Variants in WDFY2 observed in about 807,000 individuals in gnomAD.
WDFY2 encodes WD repeat and FYVE domain-containing protein 2.
In WDFY2, 36 loss-of-function variants were observed where a neutral mutation model predicts 56.4. The ratio of observed to expected loss-of-function variants is 0.64; its 90% CI spans 0.49 to 0.84. WDFY2 has a LOEUF of 0.84. WDFY2 is among the 40% of genes least tolerant of loss of function. The pLI is 0.00. For synonymous variants in WDFY2, 176 were observed against 183.7 expected (o/e 0.96, Z 0.34); for missense variants, 444 against 512.2 (o/e 0.87, Z 1.29).
chr13:51,724,098 G>C (rs1275934569), intron 5 of WDFY2, among the ~76,000 whole-genome samples: 1 of 151,628 alleles, frequency 6.6e-6, no homozygotes, highest in Non-Finnish European at 1.5e-5. Context: ...GAAATCTTAG[G>C]TTGGTTGGTT....
intron 1 of WDFY2, among the ~76,000 whole-genome samples, chr13:51,632,016 T>G (rs1954962572): frequency 6.6e-6 from 1 of 152,224 alleles, no homozygotes; most frequent in African/African-American, 2.4e-5. Flanking sequence ...TATTAATGTA[T>G]TTCTTCTATG....
chr13:51,653,692 G>A (rs547480166), intron 1 of WDFY2, among the ~76,000 whole-genome samples: 2 of 152,332 alleles, frequency 1.3e-5, no homozygotes, highest in South Asian at 4.1e-4. Flanking sequence ...GTTTGCCTGG[G>A]TATCAGCAGC....
At chr13:51,636,418 A>G (rs1410433591) in intron 1 of WDFY2, among the ~76,000 whole-genome samples, 1 of 152,208 alleles carries the variant, frequency 6.6e-6, no homozygotes, top group African/African-American at 2.4e-5. Context: ...CAGAGAGGCA[A>G]AGAGGGAATT....
At chr13:51,624,513 T>G (rs1042773712) in intron 1 of WDFY2, among the ~76,000 whole-genome samples, 13 of 152,222 alleles carry the variant, frequency 8.5e-5, no homozygotes, top group African/African-American at 3.1e-4. Context: ...GGCACTATTC[T>G]AGGCATGGGC....
intron 5 of WDFY2, among the ~76,000 whole-genome samples, chr13:51,721,505 C>T (rs756186018): frequency 2.6e-5 from 4 of 152,090 alleles, no homozygotes; most frequent in Admixed American, 6.6e-5. Context: ...CACCACAGCT[C>T]CTCCCTTCGA....
chr13:51,604,679 G>T (rs1954352318), intron 1 of WDFY2, among the ~76,000 whole-genome samples: 2 of 152,180 alleles, frequency 1.3e-5, no homozygotes, highest in African/African-American at 4.8e-5. Context: ...CATTTTAGGT[G>T]CTCAGAAACC....
chr13:51,586,044 A>G (rs1421497307), intron 1 of WDFY2: 8 of 398,476 alleles, frequency 2.0e-5, no homozygotes, highest in Non-Finnish European at 8.8e-6. Context: ...AAAACATTGT[A>G]AACATACACC....
In WDFY2 at chr13:51,750,577, T is replaced by C. The variant is rs116374717; in HGVS notation, c.726-733T>C. On this transcript the variant is annotated intron_variant, in intron 7 of 11. Coordinates refer to ENST00000298125, the MANE Select transcript of WDFY2 (RefSeq NM_052950.4). The stretch of plus-strand genomic sequence containing the variant: ...GACCAAGAAACTATGTACCCTATTC[T>C]CTCACCCAATAGAGAATAGATCTCT... Among the ~76,000 whole-genome samples, 1,378 of 151,394 alleles carry C rather than the reference T, an allele frequency of 9.1e-3. 18 individuals are homozygous for C. Among genetic ancestry groups the C allele is most frequent in the African/African-American group, 0.032 (1,303 of 41,288 alleles).
At chr13:51,596,665 G>A (rs1358853712) in intron 1 of WDFY2, among the ~76,000 whole-genome samples, 3 of 152,200 alleles carry the variant, frequency 2.0e-5, no homozygotes, top group Non-Finnish European at 4.4e-5. Context: ...GTTCCAGCAA[G>A]ATTGCATTGT....
intron 1 of WDFY2, among the ~76,000 whole-genome samples, chr13:51,651,320 T>TC (rs1955381630): frequency 6.6e-6 from 1 of 152,232 alleles, no homozygotes; most frequent in African/African-American, 2.4e-5. Flanking sequence ...TCTTTATTAG[T>TC]CTTGCTAGTG....
At chr13:51,594,083 T>C (rs1954100723) in intron 1 of WDFY2, 1 of 152,332 alleles carries the variant, frequency 6.6e-6, no homozygotes, top group South Asian at 2.1e-4. Flanking sequence ...ATGAGGTCAC[T>C]ATATTGGTGT....
At chr13:51,657,905 A>G (rs1393602541) in intron 1 of WDFY2, among the ~76,000 whole-genome samples, 3 of 152,124 alleles carry the variant, frequency 2.0e-5, no homozygotes, top group Admixed American at 6.5e-5. Flanking sequence ...AAGTCTTGGT[A>G]TAGTAAGCCT....
chr13:51,681,732 A>G (rs372164367), intron 3 of WDFY2, among the ~76,000 whole-genome samples: 6 of 152,186 alleles, frequency 3.9e-5, no homozygotes, highest in African/African-American at 1.2e-4. Context: ...GTGTGGAGCT[A>G]TGCTTAGCAG....
chr13:51,663,880 A>G lies in WDFY2; in HGVS notation c.205+3217A>G, dbSNP rs1351531861. Among the ~76,000 whole-genome samples the G allele has an allele frequency of 2.6e-5, 4 of 152,364 alleles. No homozygotes were observed. The South Asian group carries it at 6.2e-4, about 24-fold the overall frequency. On this transcript the variant is annotated intron_variant, in intron 2 of 11. Transcript: ENST00000298125. ...TTTTATGTTTATTCTACTACATAAT[A>G]AGTAGCATTCCAAGTACAGAAGAAA...
At chr13:51,587,517 A>G (rs1208193280) in intron 1 of WDFY2, 5 of 152,260 alleles carry the variant, frequency 3.3e-5, no homozygotes, top group Admixed American at 2.6e-4. Context: ...TTATGTGGAC[A>G]AGTATACACT....
At chr13:51,620,701 CT>C (rs1438601488) in intron 1 of WDFY2, among the ~76,000 whole-genome samples, 1 of 151,768 alleles carries the variant, frequency 6.6e-6, no homozygotes, top group Non-Finnish European at 1.5e-5. Flanking sequence ...TCTGACTTTG[CT>C]GTAGCACTGA....
At chr13:51,697,169 C>G in intron 3 of WDFY2, among the ~76,000 whole-genome samples, 1 of 152,068 alleles carries the variant, frequency 6.6e-6, no homozygotes, top group East Asian at 1.9e-4. Context: ...TAAATTGGCA[C>G]AAACTGTTTA....
intron 1 of WDFY2, among the ~76,000 whole-genome samples, chr13:51,621,952 AT>A (rs1045920082): frequency 6.6e-6 from 1 of 152,110 alleles, no homozygotes; most frequent in African/African-American, 2.4e-5. Context: ...TTTTTCTTAA[AT>A]TTTTTTAAGC....
chr13:51,751,381 T>C lies in WDFY2; in HGVS notation c.797T>C (p.Ile266Thr). Reference sequence around the variant, plus strand: ...ATCTCCTGTGGCGGTGATGGTGGGATTGTCGTCTGGAACATGGACGTGGAG... The same window carrying C: ...ATCTCCTGTGGCGGTGATGGTGGGACTGTCGTCTGGAACATGGACGTGGAG... ...QLISCGGDGG[I>T]VVWNMDVERQ... The change falls in exon 8 of 12, where the codon ATT becomes ACT. Residue 266 changes from isoleucine (I) to threonine (T), a missense_variant. Ile to Thr is a moderately conservative substitution (Grantham distance 89). Transcript: ENST00000298125. 3 of 1,614,078 alleles carry C rather than the reference T, an allele frequency of 1.9e-6. No homozygotes were observed. Among genetic ancestry groups the C allele is most frequent in the Non-Finnish European group, 2.5e-6 (3 of 1,179,964 alleles).
Sources: gnomAD v4.1 joint callset for allele counts (sites outside exome capture counted in the v4.1 genomes callset) on GRCh38, gnomAD v4.1.1 for gene constraint, MANE v1.5 for transcripts, NCBI Gene and HGNC (gene_info 2026-07-23, HGNC 2026-07-21) for gene names.